The following SCAF8 variants were observed in gnomAD, a reference collection of about 807,000 sequenced individuals.
SCAF8 encodes SR-related and CTD-associated factor 8.
A neutral mutation model predicts 140.5 loss-of-function variants in SCAF8; 23 were observed. The ratio of observed to expected loss-of-function variants is 0.16; its 90% CI spans 0.12 to 0.23. SCAF8 has a LOEUF of 0.23. Ranked by LOEUF, SCAF8 falls within the 10% of genes least tolerant of loss-of-function variation. The pLI is 1.00. For missense variants in SCAF8, 1,397 were observed against 1,555.7 expected (o/e 0.90, Z 1.72); for synonymous variants, 575 against 528.9 (o/e 1.09, Z -1.20).
At chr6:154,793,417 A>G (rs984635714) in intron 5 of SCAF8, among the ~76,000 whole-genome samples, 3 of 151,954 alleles carry the variant, frequency 2.0e-5, no homozygotes, top group Non-Finnish European at 4.4e-5. Flanking sequence ...AATTTTTATC[A>G]AAGTAATTTA....
chr6:154,750,136 T>A (rs1299200747), intron 1 of SCAF8, among the ~76,000 whole-genome samples: 1 of 150,964 alleles, frequency 6.6e-6, no homozygotes, highest in Non-Finnish European at 1.5e-5. Context: ...GATGGGGGAT[T>A]TTTTTTCTCA....
At position 154,773,873 on chromosome 6, in the gene SCAF8, G is replaced by A. The variant is rs1776845823; in HGVS notation, c.31-116G>A. On this transcript the variant is annotated intron_variant, in intron 1 of 19. Transcript: ENST00000367178. ...TGGGCAGTGATGTTGAGCTTGATTT[G>A]TAAAAGAAAAGCAGTATGTTGGTTT... 4.2e-6 allele frequency: 3 copies of A among 717,604 alleles called. No individual in the cohort carries two copies. In the African/African-American group the frequency reaches 5.3e-5, roughly 13 times the overall value. 44.5% of individuals were successfully genotyped at this position (717,604 alleles called of 1,614,324 possible). A position where few individuals can be genotyped will look rare whatever the true frequency, so the allele number is the denominator to read the frequency against.
At chr6:154,827,842 G>GGT (rs1778613411) in intron 18 of SCAF8, among the ~76,000 whole-genome samples, 1 of 150,676 alleles carries the variant, frequency 6.6e-6, no homozygotes, top group Non-Finnish European at 1.5e-5. Context: ...GGCGGGGGGG[G>GGT]GGGCGGTGTA....
chr6:154,828,779 CT>C (rs1765399204), intron 18 of SCAF8, among the ~76,000 whole-genome samples: 1 of 152,026 alleles, frequency 6.6e-6, no homozygotes, highest in Non-Finnish European at 1.5e-5. Context: ...GTGGACAAAA[CT>C]AGAAAATGTG....
chr6:154,751,845 C>T (rs1458551672), intron 1 of SCAF8, among the ~76,000 whole-genome samples: 1 of 152,128 alleles, frequency 6.6e-6, no homozygotes, highest in Non-Finnish European at 1.5e-5. Flanking sequence ...TACTGTGCTG[C>T]TCCTCTCCTC....
intron 4 of SCAF8, 94 bp from the exon 5 acceptor site, chr6:154,792,729 C>A: frequency 1.2e-6 from 1 of 806,268 alleles, no homozygotes; most frequent in Non-Finnish European, 1.9e-6. Flanking sequence ...TTTAATTTCT[C>A]CTTTCCATCC....
At chr6:154,749,924 T>G (rs1182014009) in intron 1 of SCAF8, among the ~76,000 whole-genome samples, 1 of 152,034 alleles carries the variant, frequency 6.6e-6, no homozygotes, top group African/African-American at 2.4e-5. Context: ...GGGGCTCAAT[T>G]AAAGTAATAC....
rs149911831 is a variant in SCAF8, at chr6:154,832,965, G to A, written c.3386G>A (p.Arg1129Gln). The change falls in exon 20 of 20, where the codon CGA (arginine) becomes CAA (glutamine). Residue 1129 changes from arginine to glutamine, a missense_variant. By Grantham distance (43) the Arg-to-Gln change is conservative. Transcript: ENST00000367178. Reference protein sequence around the residue: ...ERGRFRSGNYRFDPRSGPWNR... With the variant: ...ERGRFRSGNYQFDPRSGPWNR... The stretch of plus-strand genomic sequence containing the variant: ...GGTAGATTTCGGTCTGGAAACTATC[G>A]ATTTGATCCTAGAAGTGGTCCTTGG... 43 of 1,613,974 alleles carry A rather than the reference G, an allele frequency of 2.7e-5. No homozygotes were observed. Among genetic ancestry groups the A allele is most frequent in the African/African-American group, 1.9e-4 (14 of 74,910 alleles).
In SCAF8 at chr6:154,833,580, C is replaced by G. The variant is rs1479242830; in HGVS notation, c.*185C>G. ...GTATAGACATTGTTCTTAATATGAA[C>G]ATGGTAGGTAAACTTTTTTTTTATT... On this transcript the variant is annotated 3_prime_UTR_variant, in exon 20 of 20. Transcript: ENST00000367178. 1.4e-5 allele frequency: 7 copies of G among 485,090 alleles called. No individual in the cohort carries two copies. Among genetic ancestry groups the G allele is most frequent in the African/African-American group, 1.4e-4 (7 of 49,820 alleles). The allele number at this position is 485,090 out of a possible 1,614,324, so 30.0% of individuals were successfully genotyped here. A position where few individuals can be genotyped will look rare whatever the true frequency, so the allele number is the denominator to read the frequency against.
intron 2 of SCAF8, among the ~76,000 whole-genome samples, chr6:154,776,718 C>G (rs965842866): frequency 6.6e-6 from 1 of 152,070 alleles, no homozygotes; most frequent in Non-Finnish European, 1.5e-5. Flanking sequence ...TTGTAAGTAA[C>G]TTTAGCCAGA....
intron 3 of SCAF8, among the ~76,000 whole-genome samples, chr6:154,784,639 T>C (rs1777199263): frequency 6.6e-6 from 1 of 152,126 alleles, no homozygotes; most frequent in South Asian, 2.1e-4. Context: ...GTGTAGGCAT[T>C]GTATTAGGTA....
chr6:154,746,126 T>C lies in SCAF8; in HGVS notation c.30+12196T>C, dbSNP rs185113628. ...GTCTTGAACTCCTGGCCTCAAGTGA[T>C]CCATCTGCCTTGGCCTCCCAAAGTG... On this transcript the variant is annotated intron_variant, in intron 1 of 19. Transcript: ENST00000367178. Among the ~76,000 whole-genome samples, 557 of 152,292 alleles carry C rather than the reference T, an allele frequency of 3.7e-3. 3 individuals are homozygous for C. Among genetic ancestry groups the C allele is most frequent in the African/African-American group, 0.013 (531 of 41,572 alleles).
At chr6:154,787,814 T>A (rs754947080) in intron 3 of SCAF8, 47 bp from the exon 4 acceptor site, 52 of 1,531,282 alleles carry the variant, frequency 3.4e-5, no homozygotes, top group Non-Finnish European at 4.4e-5. Flanking sequence ...TATCAAGAAT[T>A]TTACCTTTCC....
intron 14 of SCAF8, among the ~76,000 whole-genome samples, chr6:154,819,717 C>T (rs1440600491): frequency 6.6e-6 from 1 of 152,084 alleles, no homozygotes; most frequent in East Asian, 1.9e-4. Flanking sequence ...AGTGGAAATC[C>T]TTTATTGTAA....
intron 1 of SCAF8, among the ~76,000 whole-genome samples, chr6:154,734,598 G>C (rs1437259574): frequency 1.3e-5 from 2 of 152,184 alleles, no homozygotes; most frequent in Non-Finnish European, 2.9e-5. Flanking sequence ...TCGAGAGATG[G>C]AAGATTATGG....
chr6:154,800,558 A>G (rs1427127039), intron 6 of SCAF8, among the ~76,000 whole-genome samples: 2 of 151,574 alleles, frequency 1.3e-5, no homozygotes, highest in Non-Finnish European at 2.9e-5. Context: ...TTGAAGTCAC[A>G]TGATCTTAAC....
At chr6:154,785,712 A>T (rs1183421750) in intron 3 of SCAF8, among the ~76,000 whole-genome samples, 1 of 152,232 alleles carries the variant, frequency 6.6e-6, no homozygotes, top group East Asian at 1.9e-4. Context: ...ATTGCAAAAT[A>T]TATGGTCCAA....
At chr6:154,799,919 G>A (rs1226744511) in intron 6 of SCAF8, among the ~76,000 whole-genome samples, 1 of 150,958 alleles carries the variant, frequency 6.6e-6, no homozygotes, top group Non-Finnish European at 1.5e-5. Flanking sequence ...TGAGTAGCTG[G>A]GATTACAGGC....
chr6:154,798,486 T>G (rs1287044231), intron 6 of SCAF8, among the ~76,000 whole-genome samples: 5 of 151,458 alleles, frequency 3.3e-5, no homozygotes, highest in Non-Finnish European at 7.4e-5. Context: ...ACCCAAAAGC[T>G]TAAGAGTCAT....
Sources: gnomAD v4.1 joint callset for allele counts (sites outside exome capture counted in the v4.1 genomes callset) on GRCh38, gnomAD v4.1.1 for gene constraint, MANE v1.5 for transcripts, NCBI Gene and HGNC (gene_info 2026-07-23, HGNC 2026-07-21) for gene names.